PTPRD: variants seen among roughly 807,000 people sequenced by gnomAD.
PTPRD encodes the protein receptor-type tyrosine-protein phosphatase delta.
PTPRD carries 34 observed loss-of-function variants against 214.5 expected under a neutral mutation model. That is an observed-to-expected ratio of 0.16 (90% confidence interval 0.12 to 0.21). The LOEUF (loss-of-function observed/expected upper bound fraction) is 0.21. PTPRD is among the 10% of genes least tolerant of loss of function. The pLI is 1.00. For synonymous variants in PTPRD, 1,128 were observed against 845.7 expected (o/e 1.33, Z -5.79); for missense variants, 2,545 against 2,398.7 (o/e 1.06, Z -1.27).
chr9:10,140,636 C>G (rs1472100537), intron 3 of PTPRD, among the ~76,000 whole-genome samples: 2 of 151,962 alleles, frequency 1.3e-5, no homozygotes, highest in Non-Finnish European at 2.9e-5. Flanking sequence ...AGTCCAGGAC[C>G]AGATGGATTG....
intron 2 of PTPRD, among the ~76,000 whole-genome samples, chr9:10,499,125 A>C (rs536719334): frequency 6.6e-6 from 1 of 152,102 alleles, no homozygotes; most frequent in Non-Finnish European, 1.5e-5. Context: ...TACATTTGTT[A>C]CCAAAGAAAA....
intron 9 of PTPRD, among the ~76,000 whole-genome samples, chr9:9,363,463 G>C (rs2056907770): frequency 6.6e-6 from 1 of 151,344 alleles, no homozygotes; most frequent in Non-Finnish European, 1.5e-5. Flanking sequence ...TTTGCTATGA[G>C]TTGTAGCATT....
intron 4 of PTPRD, among the ~76,000 whole-genome samples, chr9:10,003,139 A>G (rs2096375075): frequency 6.6e-6 from 1 of 151,892 alleles, no homozygotes; most frequent in Non-Finnish European, 1.5e-5. Context: ...GTCAAGGGAC[A>G]TAAGAAATGA....
At chr9:8,600,010 T>C (rs948843512) in intron 14 of PTPRD, among the ~76,000 whole-genome samples, 4 of 152,106 alleles carry the variant, frequency 2.6e-5, no homozygotes, top group Non-Finnish European at 5.9e-5. Context: ...CTGAAGAAGG[T>C]AGAAAAGACA....
At chr9:8,745,875 G>A (rs907121495) in intron 11 of PTPRD, among the ~76,000 whole-genome samples, 7 of 151,772 alleles carry the variant, frequency 4.6e-5, no homozygotes, top group Non-Finnish European at 1.0e-4. Context: ...ACAGGTCACT[G>A]CAGCCTGGAA....
intron 3 of PTPRD, among the ~76,000 whole-genome samples, chr9:10,184,147 G>A (rs146234359): frequency 3.3e-5 from 5 of 152,236 alleles, no homozygotes; most frequent in Admixed American, 6.5e-5. Flanking sequence ...ATTTTAGGCC[G>A]GGTGCAGTGG....
At chr9:9,193,835 T>C (rs1593285138) in intron 9 of PTPRD, among the ~76,000 whole-genome samples, 1 of 152,260 alleles carries the variant, frequency 6.6e-6, no homozygotes, top group East Asian at 1.9e-4. Context: ...TTATACGCAC[T>C]GTAAACTTTG....
intron 11 of PTPRD, among the ~76,000 whole-genome samples, chr9:8,896,079 A>G (rs1404041246): frequency 1.3e-5 from 2 of 152,196 alleles, no homozygotes; most frequent in Non-Finnish European, 1.5e-5. Context: ...AACTCCACAC[A>G]TCAGAGTGTT....
chr9:8,361,373 A>G (rs1432577003), intron 39 of PTPRD, among the ~76,000 whole-genome samples: 1 of 152,220 alleles, frequency 6.6e-6, no homozygotes, highest in Non-Finnish European at 1.5e-5. Flanking sequence ...AATGTTGCTA[A>G]GGACAATTTG....
chr9:10,415,928 G>T (rs1296723870), intron 2 of PTPRD, among the ~76,000 whole-genome samples: 1 of 152,002 alleles, frequency 6.6e-6, no homozygotes. Context: ...ACATTTACAG[G>T]AGAGTCTAAG....
intron 12 of PTPRD, among the ~76,000 whole-genome samples, chr9:8,728,800 T>C (rs188421073): frequency 3.0e-4 from 46 of 151,974 alleles, no homozygotes; most frequent in Admixed American, 1.2e-3. Flanking sequence ...GCCAACATGG[T>C]GAAACCCCGT....
At chr9:10,258,099 GCCA>G (rs1564834264) in intron 3 of PTPRD, among the ~76,000 whole-genome samples, 10 of 152,292 alleles carry the variant, frequency 6.6e-5, no homozygotes, top group African/African-American at 2.4e-4. Context: ...CCATCCTTCA[GCCA>G]ATTCCACTCC....
rs904424514 is a variant in PTPRD, at chr9:9,597,561, G to A, written c.-286-22780C>T. ...AGGAATATTCAAGAGGAAAAGTACC[G>A]TAGAACTGCAAAAACGAAAGCAGGA... On this transcript the variant is annotated intron_variant, in intron 7 of 45. Coordinates refer to ENST00000381196, the MANE Select transcript of PTPRD (RefSeq NM_002839.4). Among the ~76,000 whole-genome samples, 6 of 152,006 alleles carry A rather than the reference G, an allele frequency of 3.9e-5. 1 individual carries two copies. The highest frequency in any genetic ancestry group is 1.3e-4 in the Admixed American group (2 of 15,216).
intron 4 of PTPRD, among the ~76,000 whole-genome samples, chr9:9,955,458 C>A (rs1419235535): frequency 2.0e-5 from 3 of 151,754 alleles, no homozygotes; most frequent in Non-Finnish European, 4.4e-5. Context: ...TGGTACCCAA[C>A]TTTACATTGG....
intron 9 of PTPRD, among the ~76,000 whole-genome samples, chr9:9,311,541 C>A (rs1476297102): frequency 6.6e-6 from 1 of 152,058 alleles, no homozygotes; most frequent in African/African-American, 2.4e-5. Flanking sequence ...CCCCAAAACC[C>A]CTGTTGCAGA....
At chr9:9,684,435 A>C (rs1342098376) in intron 7 of PTPRD, among the ~76,000 whole-genome samples, 1 of 151,672 alleles carries the variant, frequency 6.6e-6, no homozygotes, top group African/African-American at 2.4e-5. Flanking sequence ...CTCTAAAAAC[A>C]TCTAACACCT....
At chr9:10,023,545 C>T (rs1218362156) in intron 4 of PTPRD, among the ~76,000 whole-genome samples, 1 of 151,900 alleles carries the variant, frequency 6.6e-6, no homozygotes, top group Non-Finnish European at 1.5e-5. Context: ...TTTATATTCA[C>T]TTGTTTTTTT....
At chr9:9,203,870 A>T (rs2099943294) in intron 9 of PTPRD, among the ~76,000 whole-genome samples, 1 of 152,224 alleles carries the variant, frequency 6.6e-6, no homozygotes, top group African/African-American at 2.4e-5. Context: ...TAGAAAAGCT[A>T]ATTTGAGTGT....
intron 5 of PTPRD, among the ~76,000 whole-genome samples, chr9:9,845,426 G>C (rs1776180877): frequency 6.6e-6 from 1 of 151,736 alleles, no homozygotes; most frequent in African/African-American, 2.4e-5. Flanking sequence ...ATTAGACCTA[G>C]TGATCTACAG....
Sources: gnomAD v4.1 joint callset for allele counts (sites outside exome capture counted in the v4.1 genomes callset) on GRCh38, gnomAD v4.1.1 for gene constraint, MANE v1.5 for transcripts, NCBI Gene and HGNC (gene_info 2026-07-23, HGNC 2026-07-21) for gene names.